Variants in SHOC1 observed in about 807,000 individuals in gnomAD.
SHOC1 encodes the protein shortage in chiasmata 1.
SHOC1 carries 136 observed loss-of-function variants against 179.2 expected under a neutral mutation model. The observed-to-expected ratio is 0.76, with a 90% CI of 0.66 to 0.87. The LOEUF (loss-of-function observed/expected upper bound fraction) is 0.87, where lower values mean the gene tolerates loss of function less well. SHOC1 is among the 40% of genes least tolerant of loss of function. SHOC1 has a pLI of 0.00. For missense variants in SHOC1, 1,538 were observed against 1,700.8 expected, an observed-to-expected ratio of 0.90 and a Z score of 1.68; for synonymous variants, 489 against 586.6, an observed-to-expected ratio of 0.83 and a Z score of 2.41.
At chr9:111,723,151 GAACT>G (rs1833144847) in intron 14 of SHOC1, among the ~76,000 whole-genome samples, 1 of 152,110 alleles carries the variant, frequency 6.6e-6, no homozygotes, top group African/African-American at 2.4e-5. Context: ...CATATAACAT[GAACT>G]GCATTTTTTT....
intron 8 of SHOC1, among the ~76,000 whole-genome samples, chr9:111,748,794 CCCTT>C (rs570258617): frequency 0.17 from 19,131 of 111,440 alleles, 1,961 homozygotes; most frequent in Non-Finnish European, 0.2. Context: ...TCCCCTCCCC[CCCTT>C]CCTTCCTTCC....
chr9:111,692,902 G>A (rs775087814), intron 26 of SHOC1, among the ~76,000 whole-genome samples: 34 of 152,136 alleles, frequency 2.2e-4, no homozygotes, highest in Admixed American at 3.3e-4. Flanking sequence ...AAGAGGTAAC[G>A]TAAATACATG....
intron 12 of SHOC1, among the ~76,000 whole-genome samples, chr9:111,734,059 G>A (rs917474731): frequency 2.0e-5 from 3 of 151,894 alleles, no homozygotes; most frequent in East Asian, 1.9e-4. Flanking sequence ...TACCCTGACC[G>A]CTTGGCATGG....
At chr9:111,695,229 A>G (rs1831635756) in intron 24 of SHOC1, among the ~76,000 whole-genome samples, 1 of 152,182 alleles carries the variant, frequency 6.6e-6, no homozygotes, top group African/African-American at 2.4e-5. Context: ...CCTGGAAAAT[A>G]AATATCCTGT....
chr9:111,741,409 C>T (rs893492525), intron 11 of SHOC1, 67 bp downstream of exon 11: 22 of 876,802 alleles, frequency 2.5e-5, no homozygotes, highest in Middle Eastern at 2.4e-4. Context: ...GGATATCCCA[C>T]ATTTCTACTC....
chr9:111,785,917 G>C lies in SHOC1; in HGVS notation c.164C>G (p.Thr55Arg). 6.8e-7 allele frequency: 1 copy of C among 1,470,936 alleles called. No individual in the cohort carries two copies. Among genetic ancestry groups the C allele is most frequent in the South Asian group, 1.4e-5 (1 of 69,370 alleles). 91.1% of individuals were successfully genotyped at this position (1,470,936 alleles called of 1,614,324 possible). Reference sequence around the variant, plus strand: ...AGAAATGAAAACAAACATACCTCTCGTCCATGGCCTCCTAAATTTATTATC... The same window carrying C: ...AGAAATGAAAACAAACATACCTCTCCTCCATGGCCTCCTAAATTTATTATC... ...VTDNKFRRPW[T>R]RVSAVSVPGM... The change falls in exon 3 of 28, where the codon ACG becomes AGG. Residue 55 changes from threonine (T) to arginine (R), a missense_variant. By Grantham distance (71) the Thr-to-Arg change is moderately conservative (BLOSUM62 -1). Transcript: ENST00000682961.
intron 10 of SHOC1, among the ~76,000 whole-genome samples, chr9:111,745,652 C>T (rs191873408): frequency 1.3e-5 from 2 of 152,264 alleles, no homozygotes; most frequent in Non-Finnish European, 2.9e-5. Flanking sequence ...TAGAATGAAA[C>T]CAACCCGGCT....
chr9:111,700,539 A>G (rs1301563911), intron 23 of SHOC1, among the ~76,000 whole-genome samples: 1 of 151,960 alleles, frequency 6.6e-6, no homozygotes, highest in Non-Finnish European at 1.5e-5. Context: ...TATTTCTACT[A>G]CCTTTACCCA....
At chr9:111,699,316 GT>G (rs963371915) in intron 24 of SHOC1, among the ~76,000 whole-genome samples, 8 of 152,296 alleles carry the variant, frequency 5.3e-5, no homozygotes, top group African/African-American at 1.9e-4. Context: ...GAGAAGCTGT[GT>G]TTTGGACATG....
Position 111,758,762 on chromosome 9 carries a change from G to A in SHOC1, c.529C>T (p.Leu177=), listed in dbSNP as rs1165745546. 6.2e-7 allele frequency: 1 copy of A among 1,602,604 alleles called. No individual in the cohort carries two copies. The highest frequency in any genetic ancestry group is 8.5e-7 in the Non-Finnish European group (1 of 1,175,160). The change falls in exon 6 of 28, where the codon CTG becomes TTG. Residue 177 remains leucine, a synonymous_variant. Transcript: ENST00000682961. ...TLPTLLSRLK[L]FLVKDPLLDF... ...AAAAGAGGATCCTTTACCAAAAACAGTTTTAGTCTACTCAAGAGAGTAGGC... is the reference window on the plus strand; with the variant it reads ...AAAAGAGGATCCTTTACCAAAAACAATTTTAGTCTACTCAAGAGAGTAGGC...
At chr9:111,776,106 C>T (rs1225666508) in intron 4 of SHOC1, 131 bp from the exon 5 acceptor site, 4 of 655,346 alleles carry the variant, frequency 6.1e-6, no homozygotes, top group African/African-American at 5.6e-5. Flanking sequence ...ATCTATATTC[C>T]CATCATTCAA....
At chr9:111,779,060 C>T (rs1835937443) in intron 4 of SHOC1, among the ~76,000 whole-genome samples, 1 of 149,154 alleles carries the variant, frequency 6.7e-6, no homozygotes, top group Non-Finnish European at 1.5e-5. Flanking sequence ...GATTGCACCA[C>T]TGCACTCCAG....
At chr9:111,736,619 A>T (rs1486188079) in intron 12 of SHOC1, among the ~76,000 whole-genome samples, 9 of 152,328 alleles carry the variant, frequency 5.9e-5, no homozygotes, top group Admixed American at 5.2e-4. Context: ...ATCATAGAGG[A>T]AAACCTAGGA....
chr9:111,697,903 T>G (rs1182390495), intron 24 of SHOC1, among the ~76,000 whole-genome samples: 1 of 152,226 alleles, frequency 6.6e-6, no homozygotes, highest in Non-Finnish European at 1.5e-5. Context: ...TGAGATGGTA[T>G]CTCATTGTGG....
At chr9:111,786,994 C>G (rs1398102295) in intron 2 of SHOC1, among the ~76,000 whole-genome samples, 2 of 152,162 alleles carry the variant, frequency 1.3e-5, no homozygotes, top group African/African-American at 4.8e-5. Context: ...TGTCTATGCT[C>G]TATAAATGGA....
chr9:111,781,584 A>C (rs1314472787), intron 3 of SHOC1, among the ~76,000 whole-genome samples: 1 of 151,868 alleles, frequency 6.6e-6, no homozygotes, highest in Non-Finnish European at 1.5e-5. Context: ...TTAGCCGGGC[A>C]TGGTAGTGCA....
chr9:111,703,790 T>C, intron 22 of SHOC1, 91 bp downstream of exon 22: 2 of 615,410 alleles, frequency 3.2e-6, no homozygotes, highest in South Asian at 3.2e-5. Flanking sequence ...ATCACTAATA[T>C]AGTTAAACTT....
At chr9:111,694,151 A>G (rs534035706) in intron 25 of SHOC1, 80 bp downstream of exon 25, 126 of 1,399,520 alleles carry the variant, frequency 9.0e-5, no homozygotes, top group Non-Finnish European at 1.1e-4. Context: ...TGGGGGAAAA[A>G]TGTTACCAGA....
At position 111,691,816 on chromosome 9, in the gene SHOC1, G is replaced by A; in HGVS notation, c.4161C>T (p.Tyr1387=). 1.2e-6 allele frequency: 2 copies of A among 1,613,812 alleles called. No individual in the cohort carries two copies. Among genetic ancestry groups the A allele is most frequent in the Non-Finnish European group, 1.7e-6 (2 of 1,179,934 alleles). ...CAGTGAATAAATTACCTTTCTGAGA[G>A]TACAATTTGTTACATGCAGTCTGCT... ...GAQQTACNKL[Y]SQKGNLFTDQ... Residue 1387 remains tyrosine, a synonymous_variant, in exon 27 of 28, where the codon TAC becomes TAT. Transcript: ENST00000682961.
Sources: allele counts gnomAD v4.1 joint callset (sites outside exome capture counted in the v4.1 genomes callset), GRCh38; gene constraint gnomAD v4.1.1; transcripts MANE v1.5; gene names NCBI Gene and HGNC (gene_info 2026-07-23, HGNC 2026-07-21).